The following PECAM1 variants were observed in gnomAD, a reference collection of about 807,000 sequenced individuals.
PECAM1 encodes the protein platelet endothelial cell adhesion molecule.
In PECAM1, 8 loss-of-function variants were observed where a neutral mutation model predicts 13.8. The ratio of observed to expected loss-of-function variants is 0.58; its 90% CI spans 0.34 to 1.05. The LOEUF (loss-of-function observed/expected upper bound fraction) is 1.05, where lower values mean the gene tolerates loss of function less well. Ranked by LOEUF, PECAM1 falls within the 50% of genes least tolerant of loss-of-function variation. PECAM1 has a pLI of 0.03. For missense variants in PECAM1, 304 were observed against 141.2 expected (o/e 2.15, Z -5.84); for synonymous variants, 136 against 52.6 (o/e 2.58, Z -6.86).
At chr17:64,372,316 C>T (rs2036259773) in intron 4 of PECAM1, among the ~76,000 whole-genome samples, 1 of 152,114 alleles carries the variant, frequency 6.6e-6, no homozygotes, top group African/African-American at 2.4e-5. Flanking sequence ...AGCATCACTA[C>T]TGATGAAAAT....
intron 2 of PECAM1, among the ~76,000 whole-genome samples, chr17:64,383,874 G>A (rs2036535935): frequency 6.6e-6 from 1 of 152,146 alleles, no homozygotes; most frequent in South Asian, 2.1e-4. Context: ...GCTCACACCT[G>A]TAATCCCAGC....
At chr17:64,351,754 G>A (rs898400852) in intron 11 of PECAM1, among the ~76,000 whole-genome samples, 21 of 152,070 alleles carry the variant, frequency 1.4e-4, no homozygotes, top group African/African-American at 5.1e-4. Flanking sequence ...AATTTGGTCT[G>A]GGACAGGACT....
rs911117842 is a variant in PECAM1, at chr17:64,352,342, T to C, written c.1990+48A>G. The C allele has an allele frequency of 2.8e-5, 13 of 471,404 alleles. No homozygotes were observed. The Admixed American group carries it at 3.5e-4, about 13-fold the overall frequency. The allele number at this position is 471,404 out of a possible 1,614,324, so 29.2% of individuals were successfully genotyped here. A position where few individuals can be genotyped will look rare whatever the true frequency, so the allele number is the denominator to read the frequency against. On this transcript the variant is annotated intron_variant, in intron 11 of 15. Coordinates refer to ENST00000563924, the MANE Select transcript of PECAM1 (RefSeq NM_000442.5). ...TGCTTCTGAGAGGGCTAAGGAAGTA[T>C]GTAGCAAGTTGGGGGAAATTAGAAA...
Position 64,368,931 on chromosome 17 carries a change from C to CTTTTTTTTTTTT in PECAM1, c.967+807_967+818dup. ...GTTCAACAAAGGGTAATTGTCATTT[C>CTTTTTTTTTTTT]TTTTTTTTTTTTTTTTTTTTTTTGA... On this transcript the variant is annotated intron_variant, in intron 5 of 15. Coordinates refer to ENST00000563924, the MANE Select transcript of PECAM1 (RefSeq NM_000442.5). Among the ~76,000 whole-genome samples, 12 of 75,074 alleles carry CTTTTTTTTTTTT rather than the reference C, an allele frequency of 1.6e-4. 1 individual carries two copies. The highest frequency in any genetic ancestry group is 6.8e-4 in the African/African-American group (11 of 16,116). 49.3% of individuals were successfully genotyped at this position (75,074 alleles called of 152,430 possible). A position where few individuals can be genotyped will look rare whatever the true frequency, so the allele number is the denominator to read the frequency against.
At chr17:64,378,426 G>A (rs1352702861) in intron 2 of PECAM1, among the ~76,000 whole-genome samples, 1 of 152,184 alleles carries the variant, frequency 6.6e-6, no homozygotes, top group Non-Finnish European at 1.5e-5. Flanking sequence ...TGGATCACCT[G>A]AGGTCAGCAG....
chr17:64,387,634 G>C (rs892437715), intron 2 of PECAM1, among the ~76,000 whole-genome samples: 40 of 152,286 alleles, frequency 2.6e-4, no homozygotes, highest in African/African-American at 8.9e-4. Flanking sequence ...TGAGGAGCAG[G>C]GTGCATGTGT....
At chr17:64,336,866 G>T (rs1290245313) in intron 14 of PECAM1, among the ~76,000 whole-genome samples, 2 of 126,066 alleles carry the variant, frequency 1.6e-5, no homozygotes, top group Non-Finnish European at 3.4e-5. Flanking sequence ...TTACAAAAAA[G>T]AAAGAAAAGA....
intron 14 of PECAM1, among the ~76,000 whole-genome samples, chr17:64,337,450 C>T (rs951240051): frequency 1.3e-5 from 2 of 152,186 alleles, no homozygotes; most frequent in Non-Finnish European, 2.9e-5. Context: ...AGGGATAATA[C>T]AGTGACTGTG....
intron 13 of PECAM1, among the ~76,000 whole-genome samples, chr17:64,346,717 C>T (rs2035578709): frequency 1.3e-5 from 2 of 152,276 alleles, no homozygotes; most frequent in Middle Eastern, 3.4e-3. Context: ...CACTCTGCAT[C>T]CATTTCCCCA....
At position 64,340,416 on chromosome 17, in the gene PECAM1, T is replaced by C. The variant is rs1023584335; in HGVS notation, c.2164+1218A>G. On this transcript the variant is annotated intron_variant, in intron 14 of 15. Coordinates refer to ENST00000563924, the MANE Select transcript of PECAM1 (RefSeq NM_000442.5). ...CCTGAGTAGCCACCCTTTGCAGAAA[T>C]GTCCTGGACCATTTTAATGATTCCC... is the stretch of plus-strand genomic sequence containing the variant. Among the ~76,000 whole-genome samples, 12 of 152,246 alleles carry C rather than the reference T, an allele frequency of 7.9e-5. No individual in the cohort carries two copies. The East Asian group carries it at 2.3e-3, about 29-fold the overall frequency.
intron 15 of PECAM1, among the ~76,000 whole-genome samples, chr17:64,328,252 C>T (rs926074561): frequency 1.7e-4 from 24 of 144,092 alleles, no homozygotes; most frequent in East Asian, 3.9e-4. Context: ...CCATGTTTAT[C>T]GCTTCAGGAG....
At chr17:64,325,690 T>C (rs910652501) in intron 15 of PECAM1, among the ~76,000 whole-genome samples, 3 of 152,110 alleles carry the variant, frequency 2.0e-5, no homozygotes, top group Non-Finnish European at 4.4e-5. Flanking sequence ...TGAGCTGAAA[T>C]AGCACCCCTG....
rs118193684 is a variant in PECAM1 at position 64,349,146 on chromosome 17, T to C, written c.2045-824A>G. On this transcript the variant is annotated intron_variant, in intron 12 of 15. Coordinates refer to ENST00000563924, the MANE Select transcript of PECAM1 (RefSeq NM_000442.5). Reference sequence around the variant, plus strand: ...AAAAATACTTGGAGAGTGTGAGGCATACACGTGAATGAAATCACTCAGGGT... The same window carrying C: ...AAAAATACTTGGAGAGTGTGAGGCACACACGTGAATGAAATCACTCAGGGT... Among the ~76,000 whole-genome samples the C allele has an allele frequency of 5.3e-5, 8 of 152,330 alleles. No individual in the cohort carries two copies. In the East Asian group the frequency reaches 1.5e-3, roughly 29 times the overall value.
chr17:64,361,099 G>A (rs2035964612), intron 6 of PECAM1, among the ~76,000 whole-genome samples: 1 of 139,792 alleles, frequency 7.2e-6, no homozygotes, highest in African/African-American at 2.8e-5. Context: ...GGGATTATAA[G>A]TATGAGCCAC....
intron 6 of PECAM1, among the ~76,000 whole-genome samples, chr17:64,361,381 G>A (rs1373720056): frequency 2.6e-5 from 4 of 151,920 alleles, no homozygotes; most frequent in Non-Finnish European, 5.9e-5. Context: ...CCTGACCTCA[G>A]GTGATCCACC....
At position 64,322,343 on chromosome 17, in the gene PECAM1, G is replaced by A. The variant is rs1318181276; in HGVS notation, c.*1473C>T. ...GGAGGTTGCAGTGAGCAGAGGTTGC[G>A]CCGCTGCAGTCCAGCCCGGGCAACA... is the stretch of plus-strand genomic sequence containing the variant. On this transcript the variant is annotated 3_prime_UTR_variant, in exon 16 of 16. Coordinates refer to ENST00000563924, the MANE Select transcript of PECAM1 (RefSeq NM_000442.5). 7.1e-6 allele frequency: 6 copies of A among 850,690 alleles called. No homozygotes were observed. Among genetic ancestry groups the A allele is most frequent in the Admixed American group, 6.1e-5 (1 of 16,364 alleles). The allele number at this position is 850,690 out of a possible 1,614,324, so 52.7% of individuals were successfully genotyped here. A position where few individuals can be genotyped will look rare whatever the true frequency, so the allele number is the denominator to read the frequency against.
chr17:64,335,441 G>A (rs928943173), intron 14 of PECAM1, among the ~76,000 whole-genome samples: 33 of 151,856 alleles, frequency 2.2e-4, no homozygotes, highest in East Asian at 1.5e-3. Flanking sequence ...CAATTATGCC[G>A]ATAACATGAA....
chr17:64,349,385 C>T (rs1213749875), intron 12 of PECAM1, among the ~76,000 whole-genome samples: 2 of 151,516 alleles, frequency 1.3e-5, no homozygotes, highest in South Asian at 2.1e-4. Flanking sequence ...GTCAGGAGTT[C>T]GAGATCAGTC....
At chr17:64,356,061 C>A in intron 8 of PECAM1, 50 bp downstream of exon 8, 1 of 475,046 alleles carries the variant, frequency 2.1e-6, no homozygotes, top group South Asian at 6.8e-5. Flanking sequence ...GTTTTCTGGT[C>A]TTGCCCTTGG....
Sources: gnomAD v4.1 joint callset for allele counts (sites outside exome capture counted in the v4.1 genomes callset) on GRCh38, gnomAD v4.1.1 for gene constraint, MANE v1.5 for transcripts, NCBI Gene and HGNC (gene_info 2026-07-23, HGNC 2026-07-21) for gene names.